Variants in RGMA observed in about 807,000 individuals in gnomAD.
RGMA encodes the protein repulsive guidance molecule A.
A neutral mutation model predicts 23.2 loss-of-function variants in RGMA; 10 were observed. The observed-to-expected ratio is 0.43, with a 90% CI of 0.27 to 0.73. RGMA has a LOEUF of 0.73. RGMA is among the 30% of genes least tolerant of loss of function. RGMA has a pLI of 0.20. For missense variants in RGMA, 547 were observed against 630.5 expected, an observed-to-expected ratio of 0.87 and a Z score of 1.42; for synonymous variants, 308 against 279.3, an observed-to-expected ratio of 1.10 and a Z score of -1.03.
rs746334262 is a variant in RGMA at position 93,045,302 on chromosome 15, G to A, written c.1049C>T (p.Thr350Ile). 1.9e-6 allele frequency: 3 copies of A among 1,612,614 alleles called. No individual in the cohort carries two copies. The highest frequency in any genetic ancestry group is 2.5e-6 in the Non-Finnish European group (3 of 1,179,664). ...CTCGTATGGGAAGGTCTCGGGGGCT[G>A]TGGGTGCAGGGCTGGCGGCTGCCAG... The part of the protein sequence containing the change: ...RRLAAASPAP[T>I]APETFPYETA... The change falls in exon 4 of 4, where the codon ACA becomes ATA. Residue 350 changes from threonine to isoleucine, a missense_variant. This residue lies in a region of RGMA where 205 missense variants were observed against 204.1 expected (regional missense o/e 1.00). Transcript: ENST00000329082. This position sits in a 1 kb window ranked among gnomAD's most constrained non-coding sequence, Gnocchi z 6.9.
intron 2 of RGMA, among the ~76,000 whole-genome samples, chr15:93,071,939 T>C (rs1467655251): frequency 6.6e-6 from 1 of 152,242 alleles, no homozygotes; most frequent in African/African-American, 2.4e-5. Flanking sequence ...GGGGGGCCAT[T>C]TGGCCCGTGA....
intron 3 of RGMA, among the ~76,000 whole-genome samples, chr15:93,046,144 T>G (rs1308044945): frequency 6.6e-6 from 1 of 152,122 alleles, no homozygotes; most frequent in African/African-American, 2.4e-5. Context: ...TATGATTAGG[T>G]TAAGAACACT....
Position 93,045,847 on chromosome 15 carries a change from G to C in RGMA, c.646-142C>G, listed in dbSNP as rs2054817020. 3 of 625,758 alleles carry C rather than the reference G, an allele frequency of 4.8e-6. No homozygotes were observed. Among genetic ancestry groups the C allele is most frequent in the Admixed American group, 2.8e-5 (1 of 36,068 alleles). 38.8% of individuals were successfully genotyped at this position (625,758 alleles called of 1,614,324 possible). Reference sequence around the variant, plus strand: ...GACACTCCCTTCTCCAGGTTGGACAGATCAGTTCCACCTGCGCAGCTGTGC... The same window carrying C: ...GACACTCCCTTCTCCAGGTTGGACACATCAGTTCCACCTGCGCAGCTGTGC... On this transcript the variant is annotated intron_variant, in intron 3 of 3. Coordinates refer to ENST00000329082, the MANE Select transcript of RGMA (RefSeq NM_020211.3). This position sits in a 1 kb window ranked among gnomAD's most constrained non-coding sequence, Gnocchi z 6.9.
At chr15:93,050,841 G>C (rs537670601) in intron 3 of RGMA, among the ~76,000 whole-genome samples, 3 of 152,176 alleles carry the variant, frequency 2.0e-5, no homozygotes, top group Admixed American at 1.3e-4. Flanking sequence ...CCTCTGAAGC[G>C]TGCTGGTGCC....
intron 2 of RGMA, among the ~76,000 whole-genome samples, chr15:93,059,691 G>A (rs17526323): frequency 0.64 from 96,692 of 151,986 alleles, 30,977 homozygotes; most frequent in East Asian, 0.82. Flanking sequence ...CGGCCATCCA[G>A]TCACCTTGCC....
Position 93,045,347 on chromosome 15 carries a change from T to C in RGMA, c.1004A>G (p.Glu335Gly), listed in dbSNP as rs1387974634. The C allele has an allele frequency of 1.2e-6, 2 of 1,611,536 alleles. No homozygotes were observed. The highest frequency in any genetic ancestry group is 1.3e-5 in the African/African-American group (1 of 74,460). ...TGCCAGCCTGCGGGCACCGGTGCCC[T>C]CAGCATTGGTGTGGAAGGCCTGGAA... is the stretch of plus-strand genomic sequence containing the variant. ...IDFQAFHTNAEGTGARRLAAA... is the reference protein window; with the variant it reads ...IDFQAFHTNAGGTGARRLAAA... Residue 335 changes from glutamate to glycine, a missense_variant, in exon 4 of 4, where the codon GAG becomes GGG. This residue lies in a region of RGMA where 205 missense variants were observed against 204.1 expected (regional missense o/e 1.00). Coordinates refer to ENST00000329082, the MANE Select transcript of RGMA (RefSeq NM_020211.3). The surrounding 1 kb of genome is among the most constrained non-coding windows in gnomAD (Gnocchi z 6.9).
intron 2 of RGMA, among the ~76,000 whole-genome samples, chr15:93,058,538 G>A (rs1007268363): frequency 1.3e-5 from 2 of 152,238 alleles, no homozygotes. Flanking sequence ...AACAGCTAAT[G>A]TGTTATCGAG....
At position 93,052,302 on chromosome 15, in the gene RGMA, C is replaced by T. The variant is rs769343090; in HGVS notation, c.336G>A (p.Gln112=). The stretch of plus-strand genomic sequence containing the variant: ...TGGGGCCATCCTTGGAGCAGTTGTG[C>T]TGGCTCATGAGGTCCTCTATGCCAT... ...AVHGIEDLMS[Q]HNCSKDGPTS... Residue 112 remains glutamine, a synonymous_variant, in exon 3 of 4, where the codon CAG becomes CAA. Transcript: ENST00000329082. The T allele has an allele frequency of 3.1e-6, 5 of 1,604,142 alleles. No individual in the cohort carries two copies. In the African/African-American group the frequency reaches 5.3e-5, roughly 17 times the overall value.
At chr15:93,048,282 C>A in intron 3 of RGMA, among the ~76,000 whole-genome samples, 1 of 152,080 alleles carries the variant, frequency 6.6e-6, no homozygotes. Context: ...GAGGGAGACC[C>A]TAGGCCAAGG....
rs920391187 is a variant in RGMA at position 93,035,799 on chromosome 15, C to G, written c.*9199G>C. ...ATGCAATGGCTTTCCCTGCGGTCTC[C>G]CAAGGGGCTTTGCGCCAGTATGAGC... On this transcript the variant is annotated 3_prime_UTR_variant, in exon 4 of 4. Transcript: ENST00000329082. 2 of 152,246 alleles carry G rather than the reference C, an allele frequency of 1.3e-5. No individual in the cohort carries two copies. The highest frequency in any genetic ancestry group is 6.5e-5 in the Admixed American group (1 of 15,282). 9.4% of individuals were successfully genotyped at this position (152,246 alleles called of 1,614,324 possible).
At chr15:93,073,969 T>G (rs1895425969) in intron 1 of RGMA, 1 of 1,423,548 alleles carries the variant, frequency 7.0e-7, no homozygotes, top group Admixed American at 3.0e-5. Flanking sequence ...AGGCTGCACT[T>G]GGGAGGGCTT....
intron 3 of RGMA, among the ~76,000 whole-genome samples, chr15:93,046,425 A>G (rs2054825556): frequency 6.6e-6 from 1 of 152,162 alleles, no homozygotes; most frequent in Non-Finnish European, 1.5e-5. Flanking sequence ...ACATATTCCC[A>G]ACTTCCGGCC....
At chr15:93,049,665 TCATGCACACACAG>T (rs2054886306) in intron 3 of RGMA, among the ~76,000 whole-genome samples, 1 of 152,208 alleles carries the variant, frequency 6.6e-6, no homozygotes, top group African/African-American at 2.4e-5. Flanking sequence ...GGGGGCAGCT[TCATGCACACACAG>T]CTTGCACACG....
In RGMA at chr15:93,045,766, C is replaced by G. The variant is rs2054815973; in HGVS notation, c.646-61G>C. Reference sequence around the variant, plus strand: ...CACAGTGGGAGGAGGCACAGCCCCACACTTAAGATGCTCTAGACTGAGAGG... The same window carrying G: ...CACAGTGGGAGGAGGCACAGCCCCAGACTTAAGATGCTCTAGACTGAGAGG... On this transcript the variant is annotated intron_variant, in intron 3 of 3. Transcript: ENST00000329082. This position sits in a 1 kb window ranked among gnomAD's most constrained non-coding sequence, Gnocchi z 6.9. The G allele has an allele frequency of 8.2e-7, 1 of 1,216,446 alleles. No homozygotes were observed. The highest frequency in any genetic ancestry group is 1.2e-6 in the Non-Finnish European group (1 of 840,484). The allele number at this position is 1,216,446 out of a possible 1,614,324, so 75.4% of individuals were successfully genotyped here.
Position 93,044,127 on chromosome 15 carries a change from C to G in RGMA, c.*871G>C, listed in dbSNP as rs2054771972. 1 of 152,334 alleles carries G rather than the reference C, an allele frequency of 6.6e-6. No homozygotes were observed. Among genetic ancestry groups the G allele is most frequent in the South Asian group, 2.1e-4 (1 of 4,842 alleles). The allele number at this position is 152,334 out of a possible 1,614,324, so 9.4% of individuals were successfully genotyped here. A position where few individuals can be genotyped will look rare whatever the true frequency, so the allele number is the denominator to read the frequency against. On this transcript the variant is annotated 3_prime_UTR_variant, in exon 4 of 4. Coordinates refer to ENST00000329082, the MANE Select transcript of RGMA (RefSeq NM_020211.3). ...GAGGAAGCAGAGGATCAGGGCAGGC[C>G]AGCTGGCCCCATCCACTGGGTCTCC...
chr15:93,044,994 G>A lies in RGMA; in HGVS notation c.*4C>T, dbSNP rs141995512. On this transcript the variant is annotated 3_prime_UTR_variant, in exon 4 of 4. Coordinates refer to ENST00000329082, the MANE Select transcript of RGMA (RefSeq NM_020211.3). ...AGCCCGCGCCTCCCTCCACATCTAC[G>A]CGTCTAGCAGAACACAGGGAGCAGG... 3.1e-6 allele frequency: 5 copies of A among 1,594,030 alleles called. No individual in the cohort carries two copies. The South Asian group carries it at 3.4e-5, about 11-fold the overall frequency.
chr15:93,045,200 G>A lies in RGMA; in HGVS notation c.1151C>T (p.Thr384Ile). ...YYQACVFDLL[T>I]TGDVNFTLAA... is the part of the protein sequence containing the mutation. ...CAGTGTGAAGTTCACGTCGCCCGTG[G>A]TGAGGAGGTCGAAGACGCAGGCCTG... Residue 384 changes from threonine (T) to isoleucine (I), a missense_variant, in exon 4 of 4, where the codon ACC becomes ATC. This residue lies in a region of RGMA where 205 missense variants were observed against 204.1 expected (regional missense o/e 1.00). Transcript: ENST00000329082. The surrounding 1 kb of genome is among the most constrained non-coding windows in gnomAD (Gnocchi z 6.9). The A allele has an allele frequency of 6.2e-7, 1 of 1,611,228 alleles. No homozygotes were observed. The highest frequency in any genetic ancestry group is 8.5e-7 in the Non-Finnish European group (1 of 1,178,826).
At chr15:93,065,983 G>A (rs529457867) in intron 2 of RGMA, 15 of 1,153,272 alleles carry the variant, frequency 1.3e-5, no homozygotes, top group Middle Eastern at 2.1e-4. Context: ...GGGCCGCTGC[G>A]CGGAGTCTTT....
chr15:93,046,639 A>G (rs1312330000), intron 3 of RGMA, among the ~76,000 whole-genome samples: 1 of 152,180 alleles, frequency 6.6e-6, no homozygotes, highest in Non-Finnish European at 1.5e-5. Context: ...TCAAAGAAAG[A>G]ATGAATAGGG....
Sources: allele counts gnomAD v4.1 joint callset (sites outside exome capture counted in the v4.1 genomes callset), GRCh38; gene constraint gnomAD v4.1.1; regional missense constraint gnomAD v4.1.1; non-coding constraint Gnocchi (gnomAD v3.1); transcripts MANE v1.5; gene names NCBI Gene and HGNC (gene_info 2026-07-23, HGNC 2026-07-21).